The following CTNND2 variants were observed in gnomAD, a reference collection of about 807,000 sequenced individuals.
The protein encoded by CTNND2 is catenin delta-2.
In CTNND2, 22 loss-of-function variants were observed where a neutral mutation model predicts 144.4. The observed-to-expected ratio is 0.15, with a 90% CI of 0.11 to 0.22. The LOEUF is 0.22. CTNND2 is among the 10% of genes least tolerant of loss of function. CTNND2 has a pLI of 1.00. For missense variants in CTNND2, 1,353 were observed against 1,618.8 expected, an observed-to-expected ratio of 0.84 and a Z score of 2.82; for synonymous variants, 751 against 695.6, an observed-to-expected ratio of 1.08 and a Z score of -1.25.
At chr5:10,992,794 A>T in intron 18 of CTNND2, 117 bp from the exon 19 acceptor site, 1 of 1,366,736 alleles carries the variant, frequency 7.3e-7, no homozygotes, top group Non-Finnish European at 1.0e-6. Context: ...GTGTCAGAAG[A>T]GGTTCTTGAA....
intron 1 of CTNND2, among the ~76,000 whole-genome samples, chr5:11,815,643 A>C (rs1009036291): frequency 1.9e-4 from 29 of 152,144 alleles, no homozygotes; most frequent in African/African-American, 7.0e-4. Context: ...GATCTCGTAA[A>C]ATCAAGTATG....
Position 11,381,815 on chromosome 5 carries a change from A to T in CTNND2, c.1177+2850T>A, listed in dbSNP as rs553533796. Among the ~76,000 whole-genome samples the T allele has an allele frequency of 9.5e-4, 145 of 152,082 alleles. 1 individual carries two copies. Among genetic ancestry groups the T allele is most frequent in the African/African-American group, 3.4e-3 (142 of 41,466 alleles). On this transcript the variant is annotated intron_variant, in intron 7 of 21. Transcript: ENST00000304623. ...ACCCCGTCTCTACTAAAAATACAAAAAATTAGCCAGGCGTGGTGGCGGGCA... is the reference window on the plus strand; with the variant it reads ...ACCCCGTCTCTACTAAAAATACAAATAATTAGCCAGGCGTGGTGGCGGGCA...
intron 2 of CTNND2, among the ~76,000 whole-genome samples, chr5:11,627,978 T>C (rs1781240758): frequency 6.6e-6 from 1 of 151,696 alleles, no homozygotes; most frequent in Admixed American, 6.6e-5. Flanking sequence ...TGACAGGAGG[T>C]GAAGCTCAGC....
chr5:11,393,353 A>AT (rs1177486598), intron 6 of CTNND2, among the ~76,000 whole-genome samples: 3 of 152,202 alleles, frequency 2.0e-5, no homozygotes, highest in Non-Finnish European at 2.9e-5. Flanking sequence ...ATATGCAAAG[A>AT]TTTTGAAATC....
chr5:11,157,034 G>A (rs199914045), intron 12 of CTNND2, among the ~76,000 whole-genome samples: 1 of 152,114 alleles, frequency 6.6e-6, no homozygotes, highest in East Asian at 1.9e-4. Context: ...TGTGTGATAG[G>A]GTGGGGATGG....
chr5:11,424,010 G>T (rs766205058), intron 3 of CTNND2, among the ~76,000 whole-genome samples: 1 of 152,100 alleles, frequency 6.6e-6, no homozygotes, highest in Non-Finnish European at 1.5e-5. Context: ...TGGTGTTATA[G>T]ATCTTTACTT....
chr5:11,533,690 A>AATTTTTACAATC (rs1445031367), intron 3 of CTNND2, among the ~76,000 whole-genome samples: 1 of 152,158 alleles, frequency 6.6e-6, no homozygotes, highest in Non-Finnish European at 1.5e-5. Context: ...TGGAAGCACC[A>AATTTTTACAATC]ATTTTTACAA....
intron 2 of CTNND2, among the ~76,000 whole-genome samples, chr5:11,645,406 C>T (rs1022239702): frequency 6.6e-6 from 1 of 152,188 alleles, no homozygotes; most frequent in Non-Finnish European, 1.5e-5. Context: ...ATCTTCACAA[C>T]ACTATTTTTA....
intron 1 of CTNND2, among the ~76,000 whole-genome samples, chr5:11,769,453 T>G (rs1789790502): frequency 6.6e-6 from 1 of 152,246 alleles, no homozygotes; most frequent in African/African-American, 2.4e-5. Flanking sequence ...AATATTGTAT[T>G]TGAGCAATTC....
At chr5:11,775,958 G>C (rs1223295467) in intron 1 of CTNND2, among the ~76,000 whole-genome samples, 4 of 152,086 alleles carry the variant, frequency 2.6e-5, no homozygotes, top group Admixed American at 2.6e-4. Flanking sequence ...GGAGGTAGAG[G>C]GTAGAGTATC....
At chr5:11,609,741 G>C (rs373557932) in intron 2 of CTNND2, among the ~76,000 whole-genome samples, 1 of 152,156 alleles carries the variant, frequency 6.6e-6, no homozygotes, top group Admixed American at 6.5e-5. Context: ...ATGTGTCTTG[G>C]CAAAGCCTGG....
At chr5:11,051,718 A>T (rs954131769) in intron 16 of CTNND2, among the ~76,000 whole-genome samples, 1 of 152,198 alleles carries the variant, frequency 6.6e-6, no homozygotes, top group African/African-American at 2.4e-5. Context: ...ATGAAATTAG[A>T]GCATGAATAT....
At position 11,128,108 on chromosome 5, in the gene CTNND2, A is replaced by C. The variant is rs1000278741; in HGVS notation, c.2160-10541T>G. Among the ~76,000 whole-genome samples, 3 of 152,130 alleles carry C rather than the reference A, an allele frequency of 2.0e-5. No individual in the cohort carries two copies. In the East Asian group the frequency reaches 5.8e-4, roughly 29 times the overall value. On this transcript the variant is annotated intron_variant, in intron 12 of 21. Coordinates refer to ENST00000304623, the MANE Select transcript of CTNND2 (RefSeq NM_001332.4). ...GACTTTCCCTATTTTGTCCCTGGAA[A>C]ATCTCCCTATTTTATTCTCTGCTTT...
At chr5:11,684,656 C>T (rs10062271) in intron 2 of CTNND2, among the ~76,000 whole-genome samples, 19,801 of 152,122 alleles carry the variant, frequency 0.13, 1,409 homozygotes, top group African/African-American at 0.19. Context: ...TTCTTAATTC[C>T]TAACATGAGT....
intron 12 of CTNND2, among the ~76,000 whole-genome samples, chr5:11,142,636 C>A (rs543095271): frequency 3.0e-5 from 4 of 132,776 alleles, no homozygotes; most frequent in Admixed American, 2.4e-4. Flanking sequence ...TTGTTTGAGG[C>A]AGAGTTTCGC....
chr5:11,318,756 T>G (rs73055799), intron 9 of CTNND2, among the ~76,000 whole-genome samples: 2,344 of 152,166 alleles, frequency 0.015, 43 homozygotes, highest in African/African-American at 0.053. Context: ...CCCCACCAAG[T>G]TTTATCCTTC....
intron 3 of CTNND2, among the ~76,000 whole-genome samples, chr5:11,464,648 T>C (rs963378971): frequency 1.3e-5 from 2 of 152,254 alleles, no homozygotes; most frequent in South Asian, 2.1e-4. Context: ...GCTGGAGAAC[T>C]GAAGCCAGCA....
chr5:11,520,488 G>A lies in CTNND2; in HGVS notation c.287+44456C>T, dbSNP rs145101715. 6.3e-3 allele frequency among the ~76,000 whole-genome samples: 958 copies of A among 152,338 alleles called. 9 individuals carry two copies. Among genetic ancestry groups the A allele is most frequent in the African/African-American group, 0.022 (895 of 41,580 alleles). ...AACTCATGGGGGCAGAGTGAGGTGC[G>A]TACCAGGCCTAAAGTGACTGCGTTC... On this transcript the variant is annotated intron_variant, in intron 3 of 21. Transcript: ENST00000304623.
intron 13 of CTNND2, among the ~76,000 whole-genome samples, chr5:11,114,976 G>A (rs1753400199): frequency 6.6e-6 from 1 of 152,170 alleles, no homozygotes; most frequent in African/African-American, 2.4e-5. Flanking sequence ...AACAGCCTTG[G>A]CATTCAGCTA....
Sources: allele counts gnomAD v4.1 joint callset (sites outside exome capture counted in the v4.1 genomes callset), GRCh38; gene constraint gnomAD v4.1.1; transcripts MANE v1.5; gene names NCBI Gene and HGNC (gene_info 2026-07-23, HGNC 2026-07-21).